ETFA: variants seen among roughly 807,000 people sequenced by gnomAD.
The protein encoded by ETFA is electron transfer flavoprotein subunit alpha, mitochondrial.
A neutral mutation model predicts 46.2 loss-of-function variants in ETFA; 22 were observed. The observed-to-expected ratio is 0.48, with a 90% CI of 0.34 to 0.68. The LOEUF (loss-of-function observed/expected upper bound fraction) is 0.68, where lower values mean the gene tolerates loss of function less well. Ranked by LOEUF, ETFA falls within the 30% of genes least tolerant of loss-of-function variation. The pLI is 0.01. For synonymous variants in ETFA, 131 were observed against 139.9 expected, an observed-to-expected ratio of 0.94 and a Z score of 0.45; for missense variants, 345 against 401.1, an observed-to-expected ratio of 0.86 and a Z score of 1.19.
intron 8 of ETFA, among the ~76,000 whole-genome samples, chr15:76,283,301 C>T (rs1407245301): frequency 6.6e-6 from 1 of 152,190 alleles, no homozygotes; most frequent in Non-Finnish European, 1.5e-5. Flanking sequence ...AAGCAATCCT[C>T]CCACCTCAGC....
chr15:76,281,516 C>T (rs1267017921), intron 8 of ETFA, among the ~76,000 whole-genome samples: 1 of 151,918 alleles, frequency 6.6e-6, no homozygotes, highest in Non-Finnish European at 1.5e-5. Context: ...ACCTCTGCCT[C>T]CCAGGTTCAA....
chr15:76,290,129 G>A (rs997688671), intron 4 of ETFA, among the ~76,000 whole-genome samples: 4 of 152,036 alleles, frequency 2.6e-5, no homozygotes, highest in African/African-American at 9.7e-5. Context: ...AAACTACATA[G>A]CATTTGACTC....
intron 9 of ETFA, among the ~76,000 whole-genome samples, chr15:76,251,458 T>C (rs575540171): frequency 1.3e-5 from 2 of 152,300 alleles, no homozygotes; most frequent in South Asian, 4.1e-4. Flanking sequence ...GGTGACAATT[T>C]AAAATAAAGT....
chr15:76,286,289 C>T, intron 6 of ETFA, 82 bp downstream of exon 6: 3 of 710,468 alleles, frequency 4.2e-6, no homozygotes, highest in Admixed American at 2.6e-5. Context: ...GAAATGTAGG[C>T]AGAGGTCATC....
intron 9 of ETFA, among the ~76,000 whole-genome samples, chr15:76,266,550 C>A (rs1411907240): frequency 6.6e-6 from 1 of 152,192 alleles, no homozygotes; most frequent in African/African-American, 2.4e-5. Flanking sequence ...AAAATCCAAA[C>A]TTCTACTCCC....
intron 1 of ETFA, among the ~76,000 whole-genome samples, chr15:76,308,567 T>C (rs1277365281): frequency 4.6e-5 from 7 of 151,054 alleles, no homozygotes; most frequent in Middle Eastern, 3.4e-3. Flanking sequence ...GTCTGGAAAA[T>C]AGAAGGCCTG....
At chr15:76,256,039 C>G (rs577902103) in intron 9 of ETFA, among the ~76,000 whole-genome samples, 4 of 152,034 alleles carry the variant, frequency 2.6e-5, no homozygotes, top group Admixed American at 2.6e-4. Context: ...AGGTGGATCA[C>G]TTAAGGTCAG....
intron 1 of ETFA, among the ~76,000 whole-genome samples, chr15:76,310,573 T>C (rs1389763111): frequency 6.6e-6 from 1 of 152,156 alleles, no homozygotes; most frequent in African/African-American, 2.4e-5. Context: ...GAAAATATGT[T>C]TCCTATCAGT....
intron 4 of ETFA, among the ~76,000 whole-genome samples, chr15:76,289,509 C>T (rs904139372): frequency 1.3e-5 from 2 of 152,100 alleles, no homozygotes; most frequent in Non-Finnish European, 2.9e-5. Context: ...TACCATGGTA[C>T]TTAAAAGTAT....
chr15:76,293,219 T>G lies in ETFA; in HGVS notation c.187-519A>C, dbSNP rs1251929332. Among the ~76,000 whole-genome samples, 6 of 152,326 alleles carry G rather than the reference T, an allele frequency of 3.9e-5. No homozygotes were observed. In the East Asian group the frequency reaches 1.2e-3, roughly 29 times the overall value. On this transcript the variant is annotated intron_variant, in intron 2 of 11. Transcript: ENST00000557943. ...CAATAGATCTTACTACTGACTGACC[T>G]TACACTGTCCAACTACCAAGCATTT...
At chr15:76,259,807 C>G in intron 9 of ETFA, 1 of 1,603,300 alleles carries the variant, frequency 6.2e-7, no homozygotes, top group Non-Finnish European at 8.5e-7. Context: ...CAATGTCCAC[C>G]ATGAACCGGA....
Position 76,311,358 on chromosome 15 carries a change from G to A in ETFA, c.31C>T (p.Arg11Trp). 2 of 1,560,298 alleles carry A rather than the reference G, an allele frequency of 1.3e-6. No homozygotes were observed. Among genetic ancestry groups the A allele is most frequent in the Non-Finnish European group, 8.7e-7 (1 of 1,152,730 alleles). ...TCCCAGTCCGGACTCACCGCCCGCC[G>A]GAGCTGCCCCGGAGCCGCCGCTCGG... MFRAAAPGQLRRAASLLRFQS... is the reference protein window; with the variant it reads MFRAAAPGQLWRAASLLRFQS... The change falls in exon 1 of 12, where the codon CGG (arginine) becomes TGG (tryptophan). Residue 11 changes from arginine to tryptophan, a missense_variant. Transcript: ENST00000557943.
At chr15:76,249,250 T>A (rs375901732) in intron 9 of ETFA, among the ~76,000 whole-genome samples, 3 of 151,362 alleles carry the variant, frequency 2.0e-5, no homozygotes, top group African/African-American at 7.3e-5. Context: ...TGCCTTAGCC[T>A]CCCAAGTAAC....
At chr15:76,230,955 T>C (rs979112628) in intron 10 of ETFA, 4 of 203,764 alleles carry the variant, frequency 2.0e-5, no homozygotes, top group African/African-American at 9.4e-5. Flanking sequence ...AGTTACACGT[T>C]CAGAACCTCA....
At chr15:76,260,510 T>A in intron 9 of ETFA, 1 of 1,513,002 alleles carries the variant, frequency 6.6e-7, no homozygotes, top group Non-Finnish European at 9.1e-7. Flanking sequence ...CACAGCCAAC[T>A]GCACTGGAGA....
At chr15:76,294,520 C>T (rs1045057708) in intron 2 of ETFA, among the ~76,000 whole-genome samples, 5 of 152,096 alleles carry the variant, frequency 3.3e-5, no homozygotes, top group Non-Finnish European at 7.3e-5. Flanking sequence ...CAGTATGAAC[C>T]TCCATTATCA....
intron 9 of ETFA, among the ~76,000 whole-genome samples, chr15:76,262,221 GA>G (rs1370640371): frequency 6.6e-6 from 1 of 151,470 alleles, no homozygotes; most frequent in African/African-American, 2.4e-5. Flanking sequence ...CCAAGCTATA[GA>G]GTAGGGAAAA....
intron 9 of ETFA, among the ~76,000 whole-genome samples, chr15:76,261,919 T>A (rs971072119): frequency 3.9e-5 from 6 of 152,140 alleles, no homozygotes; most frequent in African/African-American, 1.4e-4. Context: ...GAGGCCAAGA[T>A]AGGTGGATCG....
At chr15:76,261,774 G>A (rs912568244) in intron 9 of ETFA, 10 of 191,864 alleles carry the variant, frequency 5.2e-5, no homozygotes, top group Non-Finnish European at 1.1e-4. Context: ...ATCGACAAAT[G>A]TGTCAACATT....
Sources: allele counts gnomAD v4.1 joint callset (sites outside exome capture counted in the v4.1 genomes callset), GRCh38; gene constraint gnomAD v4.1.1; transcripts MANE v1.5; gene names NCBI Gene and HGNC (gene_info 2026-07-23, HGNC 2026-07-21).